DNHD1: variants seen among roughly 807,000 people sequenced by gnomAD.
DNHD1 encodes the protein dynein heavy chain domain-containing protein 1.
DNHD1 carries 383 observed loss-of-function variants against 458.1 expected under a neutral mutation model. The ratio of observed to expected loss-of-function variants is 0.84; its 90% CI spans 0.77 to 0.91. DNHD1 has a LOEUF of 0.91. Among genes scored for constraint, DNHD1 ranks in the 40% least tolerant of loss-of-function variants. DNHD1 has a pLI of 0.00. For missense variants in DNHD1, 5,336 were observed against 5,866.1 expected (o/e 0.91, Z 2.95); for synonymous variants, 2,203 against 2,376.9 (o/e 0.93, Z 2.13).
intron 38 of DNHD1, 37 bp from the exon 39 acceptor site, chr11:6,568,628 T>G (rs1853763737): frequency 6.2e-7 from 1 of 1,613,760 alleles, no homozygotes. Flanking sequence ...GGAGGGCAAC[T>G]GTGCTGTGCT....
Position 6,545,818 on chromosome 11 carries a change from G to A in DNHD1, c.4879G>A (p.Ala1627Thr), listed in dbSNP as rs1444876269. The change falls in exon 21 of 43, where the codon GCA (alanine) becomes ACA (threonine). Residue 1627 changes from alanine (A) to threonine (T), a missense_variant. By Grantham distance (58) the Ala-to-Thr change is moderately conservative. Transcript: ENST00000254579. This position sits in a 1 kb window ranked among gnomAD's most constrained non-coding sequence, Gnocchi z 4.9. ...CCCCCTACAGAGTCTTAAGACTATTGCATCTTCTGAACCCTCTCTGTCACC... is the reference window on the plus strand; with the variant it reads ...CCCCCTACAGAGTCTTAAGACTATTACATCTTCTGAACCCTCTCTGTCACC... ...KSPLQSLKTI[A>T]SSEPSLSPAA... 5 of 1,551,750 alleles carry A rather than the reference G, an allele frequency of 3.2e-6. No homozygotes were observed. In the African/African-American group the frequency reaches 4.1e-5, roughly 13 times the overall value.
At chr11:6,562,882 C>T in intron 28 of DNHD1, 100 bp from the exon 29 acceptor site, 1 of 1,383,226 alleles carries the variant, frequency 7.2e-7, no homozygotes, top group Non-Finnish European at 9.7e-7. Context: ...GTCAGTCTTT[C>T]AAGTGAGGAG....
At chr11:6,517,132 C>T (rs1012338291) in intron 7 of DNHD1, among the ~76,000 whole-genome samples, 1 of 152,190 alleles carries the variant, frequency 6.6e-6, no homozygotes, top group Non-Finnish European at 1.5e-5. Context: ...CTAGCCAGCT[C>T]TCTGGGGCCT....
intron 18 of DNHD1, among the ~76,000 whole-genome samples, 162 bp downstream of exon 18, chr11:6,540,245 G>GC (rs1275537700): frequency 6.6e-6 from 1 of 152,104 alleles, no homozygotes; most frequent in Non-Finnish European, 1.5e-5. Context: ...CTTCCATGTA[G>GC]CCCCCCTACT....
Position 6,566,537 on chromosome 11 carries a change from C to A in DNHD1, c.11207-50C>A, listed in dbSNP as rs374262749. Reference sequence around the variant, plus strand: ...GCCATACTCCCTGTCTACTCTACCCCCTGGCTCTGCCAAGGGGAAGAGGTT... The same window carrying A: ...GCCATACTCCCTGTCTACTCTACCCACTGGCTCTGCCAAGGGGAAGAGGTT... On this transcript the variant is annotated intron_variant, in intron 34 of 42. Transcript: ENST00000254579. The A allele has an allele frequency of 2.0e-5, 32 of 1,600,716 alleles. No individual in the cohort carries two copies. In the African/African-American group the frequency reaches 2.9e-4, roughly 15 times the overall value.
rs1853265747 is a variant in DNHD1 at position 6,548,295 on chromosome 11, T to A, written c.6991T>A (p.Phe2331Ile). Residue 2331 changes from phenylalanine (F) to isoleucine (I), a missense_variant, in exon 23 of 43, where the codon TTT becomes ATT. Physicochemically the swap from Phe to Ile is conservative, Grantham distance 21. This residue lies in a region of DNHD1 where 3,932 missense variants were observed against 4,365.6 expected (regional missense o/e 0.90). Transcript: ENST00000254579. The surrounding 1 kb of genome is among the most constrained non-coding windows in gnomAD (Gnocchi z 4.4). ...TGAGCCACCACCCTCAGCCTTGGTG[T>A]TTGATCTACATGTAAGCCCTGAAGA... is the stretch of plus-strand genomic sequence containing the variant. ...YPEPPPSALV[F>I]DLHVSPEDGT... 6.4e-6 allele frequency: 10 copies of A among 1,551,588 alleles called. No homozygotes were observed. Among genetic ancestry groups the A allele is most frequent in the Non-Finnish European group, 7.8e-6 (9 of 1,147,004 alleles).
chr11:6,505,546 C>T lies in DNHD1; in HGVS notation c.920+2620C>T, dbSNP rs1423455629. Among the ~76,000 whole-genome samples, 1 of 152,206 alleles carries T rather than the reference C, an allele frequency of 6.6e-6. No individual in the cohort carries two copies. Among genetic ancestry groups the T allele is most frequent in the East Asian group, 1.9e-4 (1 of 5,200 alleles). On this transcript the variant is annotated intron_variant, in intron 4 of 42. Transcript: ENST00000254579. The surrounding 1 kb of genome is among the most constrained non-coding windows in gnomAD (Gnocchi z 4.4). Reference sequence around the variant, plus strand: ...GGGATTACAGGCGTGAGTCACCGCGCCTGGCCTCGACATCTTTTTAAAAAC... The same window carrying T: ...GGGATTACAGGCGTGAGTCACCGCGTCTGGCCTCGACATCTTTTTAAAAAC...
At chr11:6,539,523 G>T (rs75794455) in intron 17 of DNHD1, among the ~76,000 whole-genome samples, 7 of 152,184 alleles carry the variant, frequency 4.6e-5, no homozygotes, top group Non-Finnish European at 1.0e-4. Context: ...TGTCCCTGAT[G>T]GGGGAAGGAA....
At chr11:6,540,949 T>C (rs1853086847) in intron 18 of DNHD1, among the ~76,000 whole-genome samples, 1 of 152,226 alleles carries the variant, frequency 6.6e-6, no homozygotes, top group Non-Finnish European at 1.5e-5. Flanking sequence ...ACAAGAGCTT[T>C]TGTTTGATTT....
rs1853472833 is a variant in DNHD1 at position 6,556,852 on chromosome 11, T to A, written c.7557T>A (p.Phe2519Leu). ...AGCGCCCACTGTGTCCACGCCTCTT[T>A]CGACTCTTCACAGTCCTGGCCCTGG... ...YCERPLCPRL[F>L]RLFTVLALES... is the part of the protein sequence containing the mutation. The change falls in exon 25 of 43, where the codon TTT (phenylalanine) becomes TTA (leucine). Residue 2519 changes from phenylalanine to leucine, a missense_variant. Around this residue, in one of 4 missense-constraint regions of DNHD1, gnomAD observed 3,932 missense variants for 4,365.6 expected, o/e 0.90. Transcript: ENST00000254579. The A allele has an allele frequency of 6.4e-7, 1 of 1,551,664 alleles. No homozygotes were observed. Among genetic ancestry groups the A allele is most frequent in the Non-Finnish European group, 8.7e-7 (1 of 1,146,990 alleles).
intron 24 of DNHD1, among the ~76,000 whole-genome samples, chr11:6,551,673 T>G (rs1296335964): frequency 3.3e-5 from 5 of 152,202 alleles, no homozygotes; most frequent in Admixed American, 2.6e-4. Flanking sequence ...CCGGGCACTG[T>G]GGCTCACGCC....
At chr11:6,534,789 C>T (rs1446255459) in intron 14 of DNHD1, among the ~76,000 whole-genome samples, 1 of 152,224 alleles carries the variant, frequency 6.6e-6, no homozygotes, top group East Asian at 1.9e-4. Flanking sequence ...GACAGGATCT[C>T]AGGCTAGAGT....
rs1460401085 is a variant in DNHD1 at position 6,556,844 on chromosome 11, C to T, written c.7549C>T (p.Arg2517Cys). 36 of 1,551,542 alleles carry T rather than the reference C, an allele frequency of 2.3e-5. No individual in the cohort carries two copies. The highest frequency in any genetic ancestry group is 7.3e-5 in the East Asian group (3 of 40,926). ...PGYCERPLCPRLFRLFTVLAL... is the reference protein window; with the variant it reads ...PGYCERPLCPCLFRLFTVLAL... ...ATACTGTGAGCGCCCACTGTGTCCA[C>T]GCCTCTTTCGACTCTTCACAGTCCT... is the stretch of plus-strand genomic sequence containing the variant. Residue 2517 changes from arginine (R) to cysteine (C), a missense_variant, in exon 25 of 43, where the codon CGC becomes TGC. Around this residue, in one of 4 missense-constraint regions of DNHD1, gnomAD observed 3,932 missense variants for 4,365.6 expected, o/e 0.90. Coordinates refer to ENST00000254579, the MANE Select transcript of DNHD1 (RefSeq NM_144666.3).
In DNHD1 at chr11:6,528,682, G is replaced by T. The variant is rs1224252785; in HGVS notation, c.1998G>T (p.Arg666=). The stretch of plus-strand genomic sequence containing the variant: ...GTATCTTGGAGGTCCGTGGATGTCG[G>T]CTGCGGGGCCAATACTTCCCCCACA... ...IAGILEVRGC[R]LRGQYFPHNY... The change falls in exon 11 of 43, where the codon CGG becomes CGT. Residue 666 remains arginine (R), a synonymous_variant. Transcript: ENST00000254579. 7.7e-6 allele frequency: 12 copies of T among 1,551,620 alleles called. No homozygotes were observed. In the Admixed American group the frequency reaches 9.8e-5, roughly 13 times the overall value.
At position 6,571,016 on chromosome 11, in the gene DNHD1, G is replaced by A. The variant is rs528347609; in HGVS notation, c.13504G>A (p.Asp4502Asn). The change falls in exon 42 of 43, where the codon GAC becomes AAC. Residue 4502 changes from aspartate to asparagine, a missense_variant. Physicochemically the swap from Asp to Asn is conservative, Grantham distance 23. Around this residue, in one of 4 missense-constraint regions of DNHD1, gnomAD observed 698 missense variants for 664.9 expected, o/e 1.05. Coordinates refer to ENST00000254579, the MANE Select transcript of DNHD1 (RefSeq NM_144666.3). The surrounding 1 kb of genome is among the most constrained non-coding windows in gnomAD (Gnocchi z 5.0). The part of the protein sequence containing the change: ...LSQLVGTLQR[D>N]LDCLLQQLKG... ...CCAGTTGGTGGGCACGCTACAACGC[G>A]ACCTTGATTGCCTGTTGCAGCAGCT... 2 of 1,591,870 alleles carry A rather than the reference G, an allele frequency of 1.3e-6. No individual in the cohort carries two copies. Among genetic ancestry groups the A allele is most frequent in the South Asian group, 1.1e-5 (1 of 88,634 alleles).
rs537130906 is a variant in DNHD1 at position 6,523,804 on chromosome 11, T to A, written c.1837+3515T>A. On this transcript the variant is annotated intron_variant, in intron 10 of 42. Transcript: ENST00000254579. ...GAGTTTGAGGCCAGTGTGAGCAACA[T>A]AGTGAGACCCTGTCTCTACAAAAAA... 2.0e-5 allele frequency among the ~76,000 whole-genome samples: 3 copies of A among 152,142 alleles called. No homozygotes were observed. In the South Asian group the frequency reaches 6.3e-4, roughly 32 times the overall value.
intron 28 of DNHD1, among the ~76,000 whole-genome samples, chr11:6,562,033 GAAGT>G (rs1163048594): frequency 6.6e-6 from 1 of 152,168 alleles, no homozygotes; most frequent in Non-Finnish European, 1.5e-5. Context: ...TAAAAGGAGG[GAAGT>G]AAGAGTGGAA....
Position 6,548,392 on chromosome 11 carries a change from C to T in DNHD1, c.7088C>T (p.Pro2363Leu). ...HIKGTLGTFH[P>L]SIQTERLLYV... is the part of the protein sequence containing the mutation. ...AAAGGAACTTTGGGCACCTTTCACC[C>T]TTCTATCCAGGTGTGAGGACAGTAA... Residue 2363 changes from proline (P) to leucine (L), a missense_variant, in exon 23 of 43, where the codon CCT becomes CTT. Coordinates refer to ENST00000254579, the MANE Select transcript of DNHD1 (RefSeq NM_144666.3). This position sits in a 1 kb window ranked among gnomAD's most constrained non-coding sequence, Gnocchi z 4.4. 1 of 1,551,680 alleles carries T rather than the reference C, an allele frequency of 6.4e-7. No homozygotes were observed. The highest frequency in any genetic ancestry group is 8.7e-7 in the Non-Finnish European group (1 of 1,146,976).
intron 10 of DNHD1, among the ~76,000 whole-genome samples, chr11:6,526,937 T>C (rs1007729934): frequency 6.6e-6 from 1 of 152,252 alleles, no homozygotes; most frequent in African/African-American, 2.4e-5. Context: ...GGTCCATCTG[T>C]TGCTTCATTG....
Sources: allele counts gnomAD v4.1 joint callset (sites outside exome capture counted in the v4.1 genomes callset), GRCh38; gene constraint gnomAD v4.1.1; regional missense constraint gnomAD v4.1.1; non-coding constraint Gnocchi (gnomAD v3.1); transcripts MANE v1.5; gene names NCBI Gene and HGNC (gene_info 2026-07-23, HGNC 2026-07-21).